The following SLC35D1 variants were observed in gnomAD, a reference collection of about 807,000 sequenced individuals.
The protein encoded by SLC35D1 is solute carrier family 35 member D1, also known as nucleotide sugar transporter SLC35D1.
In SLC35D1, 31 loss-of-function variants were observed where a neutral mutation model predicts 46.7. The observed-to-expected ratio is 0.66, with a 90% CI of 0.50 to 0.90. The LOEUF is 0.90. SLC35D1 is among the 40% of genes least tolerant of loss of function. The pLI is 0.00. For synonymous variants in SLC35D1, 195 were observed against 164.6 expected (o/e 1.18, Z -1.41); for missense variants, 397 against 426.2 (o/e 0.93, Z 0.60).
chr1:66,984,002 G>T, the SLC35D1 span, among the ~76,000 whole-genome samples: 1 of 152,228 alleles, frequency 6.6e-6, no homozygotes, highest in African/African-American at 2.4e-5. Flanking sequence ...GGGAATACAG[G>T]CGTGAGCCAC....
chr1:67,018,624 T>C (rs1387515123), intron 10 of SLC35D1, among the ~76,000 whole-genome samples: 1 of 152,154 alleles, frequency 6.6e-6, no homozygotes, highest in African/African-American at 2.4e-5. Flanking sequence ...TCTGACTGAG[T>C]CTATCTGGGT....
intron 1 of SLC35D1, 87 bp from the exon 2 acceptor site, chr1:67,053,076 A>C (rs998317955): frequency 1.5e-5 from 22 of 1,443,020 alleles, no homozygotes; most frequent in East Asian, 1.5e-4. Flanking sequence ...AACGTTAATA[A>C]GGCATTCCGA....
intron 8 of SLC35D1, among the ~76,000 whole-genome samples, chr1:67,028,602 TAC>T (rs1667960016): frequency 6.6e-6 from 1 of 152,212 alleles, no homozygotes; most frequent in Non-Finnish European, 1.5e-5. Context: ...CTCTTTATGG[TAC>T]AGTTTCCTTT....
chr1:67,026,080 CT>C (rs1267720701), intron 8 of SLC35D1, among the ~76,000 whole-genome samples: 3 of 152,164 alleles, frequency 2.0e-5, no homozygotes, highest in Admixed American at 6.5e-5. Flanking sequence ...ACATCCTCGC[CT>C]TGTTCTCAAA....
At position 67,013,903 on chromosome 1, in the gene SLC35D1, C is replaced by G. The variant is rs191330693; in HGVS notation, c.877-4736G>C. ...TAAATACTTTTAAAAATGTCTGTAT[C>G]AAAGTACACTATACAAGCATTGCAT... On this transcript the variant is annotated intron_variant, in intron 10 of 11. Coordinates refer to ENST00000235345, the MANE Select transcript of SLC35D1 (RefSeq NM_015139.3). 9.3e-4 allele frequency among the ~76,000 whole-genome samples: 141 copies of G among 152,308 alleles called. No homozygotes were observed. In the South Asian group the frequency reaches 0.017, roughly 18 times the overall value.
At chr1:67,039,075 C>T (rs1300654089) in intron 8 of SLC35D1, among the ~76,000 whole-genome samples, 1 of 152,128 alleles carries the variant, frequency 6.6e-6, no homozygotes, top group Admixed American at 6.5e-5. Flanking sequence ...CCTTTCAGAG[C>T]CCCCTTGTTG....
At chr1:67,042,701 C>G (rs537721552) in intron 7 of SLC35D1, among the ~76,000 whole-genome samples, 1 of 152,286 alleles carries the variant, frequency 6.6e-6, no homozygotes, top group Non-Finnish European at 1.5e-5. Context: ...AAGCCATTCT[C>G]TTTCTAGAAC....
chr1:66,980,183 C>A, the SLC35D1 span, among the ~76,000 whole-genome samples: 1 of 152,216 alleles, frequency 6.6e-6, no homozygotes, highest in South Asian at 2.1e-4. Flanking sequence ...TTGGGACTCA[C>A]CACACTTATT....
At chr1:67,007,862 A>G (rs1404188836) in intron 11 of SLC35D1, among the ~76,000 whole-genome samples, 1 of 152,206 alleles carries the variant, frequency 6.6e-6, no homozygotes, top group African/African-American at 2.4e-5. Context: ...CTTCAAACAG[A>G]GACCCTTTAA....
rs750787039 is a variant in SLC35D1, at chr1:67,004,310, G to A, written c.*30C>T. The A allele has an allele frequency of 1.3e-6, 2 of 1,588,694 alleles. No homozygotes were observed. The highest frequency in any genetic ancestry group is 2.2e-5 in the South Asian group (2 of 90,590). ...TGTTCTGAGTTGATTAAAAACTTAG[G>A]CCTACGTATCAGATGAAGCAATCCT... On this transcript the variant is annotated 3_prime_UTR_variant, in exon 12 of 12. Coordinates refer to ENST00000235345, the MANE Select transcript of SLC35D1 (RefSeq NM_015139.3).
chr1:67,016,457 A>G (rs1667689047), intron 10 of SLC35D1, among the ~76,000 whole-genome samples: 1 of 152,056 alleles, frequency 6.6e-6, no homozygotes, highest in Non-Finnish European at 1.5e-5. Context: ...CTAGGTAAAA[A>G]CTTTCAGTAT....
At chr1:67,042,916 AGCCAGGCGCGGTGGCTCAC>A (rs1243706479) in intron 7 of SLC35D1, among the ~76,000 whole-genome samples, 1 of 151,844 alleles carries the variant, frequency 6.6e-6, no homozygotes, top group Non-Finnish European at 1.5e-5. Context: ...ATACAAAAAC[AGCCAGGCGCGGTGGCTCAC>A]GCCTGTAATC....
chr1:67,033,592 T>C (rs1273870390), intron 8 of SLC35D1, among the ~76,000 whole-genome samples: 1 of 152,152 alleles, frequency 6.6e-6, no homozygotes, highest in Non-Finnish European at 1.5e-5. Flanking sequence ...GATTTTTTCC[T>C]ATAGAGCTGT....
chr1:66,990,935 C>T, the SLC35D1 span, among the ~76,000 whole-genome samples: 3 of 152,158 alleles, frequency 2.0e-5, no homozygotes, highest in Admixed American at 1.3e-4. Flanking sequence ...TGCCTCTTCC[C>T]TTACTCACTG....
chr1:67,035,269 T>C (rs1394262638), intron 8 of SLC35D1, among the ~76,000 whole-genome samples: 3 of 152,204 alleles, frequency 2.0e-5, no homozygotes, highest in Admixed American at 6.5e-5. Context: ...TTCAGTAAGA[T>C]TGGCATTAGT....
In SLC35D1 at chr1:67,001,072, CTTGT is replaced by C. The variant is rs1285212079; in HGVS notation, c.*3264_*3267del. 1 of 152,244 alleles carries C rather than the reference CTTGT, an allele frequency of 6.6e-6. No homozygotes were observed. Among genetic ancestry groups the C allele is most frequent in the East Asian group, 1.9e-4 (1 of 5,322 alleles). 9.4% of individuals were successfully genotyped at this position (152,244 alleles called of 1,614,324 possible). On this transcript the variant is annotated 3_prime_UTR_variant, in exon 12 of 12. Coordinates refer to ENST00000235345, the MANE Select transcript of SLC35D1 (RefSeq NM_015139.3). ...CACTCCTTGAAAGCAAGAACCATGT[CTTGT>C]TTATCTTTTTTCCAGAGCTTAGCAA...
chr1:67,045,127 C>T (rs965056550), intron 7 of SLC35D1, among the ~76,000 whole-genome samples: 2 of 152,150 alleles, frequency 1.3e-5, no homozygotes, highest in African/African-American at 4.8e-5. Flanking sequence ...TGCATGGAGG[C>T]ACACATACAC....
chr1:67,013,694 T>C (rs549932816), intron 10 of SLC35D1, among the ~76,000 whole-genome samples: 31 of 152,288 alleles, frequency 2.0e-4, no homozygotes, highest in Non-Finnish European at 4.3e-4. Context: ...AAAGGTGCCA[T>C]CTACCTCTTA....
At chr1:67,052,660 A>T in intron 3 of SLC35D1, 111 bp downstream of exon 3, 1 of 1,050,990 alleles carries the variant, frequency 9.5e-7, no homozygotes, top group Non-Finnish European at 1.5e-6. Context: ...TAACCACTCT[A>T]GACTGGGCAA....
Sources: gnomAD v4.1 joint callset for allele counts (sites outside exome capture counted in the v4.1 genomes callset) on GRCh38, gnomAD v4.1.1 for gene constraint, MANE v1.5 for transcripts, NCBI Gene and HGNC (gene_info 2026-07-23, HGNC 2026-07-21) for gene names.